STXBP5L: variants seen among roughly 807,000 people sequenced by gnomAD.
The protein encoded by STXBP5L is syntaxin-binding protein 5-like.
Under a neutral mutation model 144.5 loss-of-function variants are expected in STXBP5L, and 65 were observed. That is an observed-to-expected ratio of 0.45 (90% confidence interval 0.37 to 0.55). STXBP5L has a LOEUF of 0.55. Ranked by LOEUF, STXBP5L falls within the 20% of genes least tolerant of loss-of-function variation. STXBP5L has a pLI of 0.00. For missense variants in STXBP5L, 1,298 were observed against 1,405.5 expected (o/e 0.92, Z 1.22); for synonymous variants, 505 against 469.6 (o/e 1.08, Z -0.97).
chr3:121,400,353 GCATGGAAGCAGC>G (rs968814508), intron 22 of STXBP5L, among the ~76,000 whole-genome samples: 2 of 152,146 alleles, frequency 1.3e-5, no homozygotes, highest in African/African-American at 4.8e-5. Context: ...ACATTTTGGG[GCATGGAAGCAGC>G]CATCCTTATC....
intron 5 of STXBP5L, among the ~76,000 whole-genome samples, chr3:121,077,266 T>G (rs535710917): frequency 1.3e-5 from 2 of 152,148 alleles, no homozygotes; most frequent in South Asian, 4.1e-4. Flanking sequence ...TACGGGGCAA[T>G]CAAAGACTGG....
intron 20 of STXBP5L, among the ~76,000 whole-genome samples, chr3:121,329,072 C>T (rs2044242533): frequency 6.6e-6 from 1 of 151,524 alleles, no homozygotes; most frequent in Non-Finnish European, 1.5e-5. Context: ...ATATAATGTA[C>T]ATTTGTATCT....
chr3:121,257,309 C>T lies in STXBP5L; in HGVS notation c.1808C>T (p.Thr603Ile). The T allele has an allele frequency of 6.2e-7, 1 of 1,612,948 alleles. No individual in the cohort carries two copies. Among genetic ancestry groups the T allele is most frequent in the African/African-American group, 1.3e-5 (1 of 74,980 alleles). The change falls in exon 17 of 27, where the codon ACA (threonine) becomes ATA (isoleucine). Residue 603 changes from threonine (T) to isoleucine (I), a missense_variant. Coordinates refer to ENST00000471454, the MANE Select transcript of STXBP5L (RefSeq NM_001308330.2). ...STNTVASEGV[T>I]KDSIPCLNVK... Reference sequence around the variant, plus strand: ...AACACTGTTGCTAGTGAAGGAGTAACAAAGGACAGTATTCCATGCCTCAAG... The same window carrying T: ...AACACTGTTGCTAGTGAAGGAGTAATAAAGGACAGTATTCCATGCCTCAAG...
chr3:121,094,199 G>A lies in STXBP5L; in HGVS notation c.471-20726G>A, dbSNP rs1210660857. 2.6e-5 allele frequency among the ~76,000 whole-genome samples: 4 copies of A among 152,114 alleles called. No individual in the cohort carries two copies. In the East Asian group the frequency reaches 7.7e-4, roughly 29 times the overall value. ...GGAGAGCTTTACTTCCAACTATGTG[G>A]TCAATTTTGGAATAGGTGTGATGTG... On this transcript the variant is annotated intron_variant, in intron 5 of 26. Transcript: ENST00000471454.
intron 9 of STXBP5L, among the ~76,000 whole-genome samples, chr3:121,193,938 T>C (rs2047812056): frequency 6.6e-6 from 1 of 150,510 alleles, no homozygotes; most frequent in Middle Eastern, 3.4e-3. Context: ...AACTTGGACA[T>C]TGTGCACATG....
At chr3:121,089,114 AAAAAG>A (rs2042646135) in intron 5 of STXBP5L, among the ~76,000 whole-genome samples, 2 of 113,392 alleles carry the variant, frequency 1.8e-5, no homozygotes, top group African/African-American at 3.6e-5. Flanking sequence ...AAAAAAAAAA[AAAAAG>A]AAGCTCCAAG....
chr3:121,391,912 G>C (rs1215720281), intron 22 of STXBP5L, among the ~76,000 whole-genome samples: 1 of 152,218 alleles, frequency 6.6e-6, no homozygotes, highest in Admixed American at 6.5e-5. Context: ...CAAACACCAT[G>C]CTGGGAGAAC....
intron 7 of STXBP5L, among the ~76,000 whole-genome samples, chr3:121,149,669 A>G (rs1027764967): frequency 2.0e-5 from 3 of 152,058 alleles, no homozygotes; most frequent in African/African-American, 7.2e-5. Flanking sequence ...CTATTAGAAA[A>G]GGTAATGAAG....
intron 20 of STXBP5L, among the ~76,000 whole-genome samples, chr3:121,338,746 T>C (rs2044602380): frequency 6.6e-6 from 1 of 151,750 alleles, no homozygotes; most frequent in Non-Finnish European, 1.5e-5. Context: ...ATACAAAAGA[T>C]TATTTAAGAC....
chr3:121,024,669 T>G (rs192072421), intron 3 of STXBP5L, among the ~76,000 whole-genome samples: 115 of 152,278 alleles, frequency 7.6e-4, no homozygotes, highest in East Asian at 1.2e-3. Flanking sequence ...ATGTCATTTG[T>G]TAATTTAATT....
chr3:121,019,976 A>C (rs1016312849), intron 3 of STXBP5L, among the ~76,000 whole-genome samples: 8 of 152,214 alleles, frequency 5.3e-5, no homozygotes, highest in African/African-American at 1.9e-4. Context: ...TTAGCCAATC[A>C]AGGAGGCAAC....
chr3:120,989,416 G>A (rs572097589), intron 3 of STXBP5L, among the ~76,000 whole-genome samples: 19 of 152,064 alleles, frequency 1.2e-4, no homozygotes, highest in African/African-American at 3.1e-4. Context: ...ATGTTTATTC[G>A]CAATTTATAT....
At chr3:120,978,169 C>T (rs1200071885) in intron 3 of STXBP5L, among the ~76,000 whole-genome samples, 1 of 152,218 alleles carries the variant, frequency 6.6e-6, no homozygotes, top group African/African-American at 2.4e-5. Flanking sequence ...CTCCCTGTCA[C>T]TTTCAGATAC....
At chr3:120,983,849 A>G (rs1342998120) in intron 3 of STXBP5L, among the ~76,000 whole-genome samples, 1 of 152,088 alleles carries the variant, frequency 6.6e-6, no homozygotes, top group Non-Finnish European at 1.5e-5. Context: ...CTCTTAGACA[A>G]TCCATTCAAA....
intron 2 of STXBP5L, among the ~76,000 whole-genome samples, chr3:120,948,562 C>T (rs1482403900): frequency 6.6e-6 from 1 of 151,800 alleles, no homozygotes; most frequent in Non-Finnish European, 1.5e-5. Context: ...CAACTCCCAC[C>T]CTTCCTCCTG....
chr3:120,909,517 A>T, intron 1 of STXBP5L, 54 bp from the exon 2 acceptor site: 1 of 1,492,828 alleles, frequency 6.7e-7, no homozygotes, highest in Non-Finnish European at 9.1e-7. Flanking sequence ...CCAAGGTCTA[A>T]TTGCACGTGT....
chr3:121,311,634 AG>A (rs1257751309), intron 19 of STXBP5L, among the ~76,000 whole-genome samples: 3 of 152,218 alleles, frequency 2.0e-5, no homozygotes, highest in Non-Finnish European at 4.4e-5. Flanking sequence ...CCAACTTACA[AG>A]GGACGTGAAG....
At chr3:121,179,420 AT>A (rs1402767475) in intron 9 of STXBP5L, among the ~76,000 whole-genome samples, 3 of 152,326 alleles carry the variant, frequency 2.0e-5, no homozygotes, top group African/African-American at 7.2e-5. Context: ...TAAGCAAAAA[AT>A]ACCGTACATA....
intron 1 of STXBP5L, among the ~76,000 whole-genome samples, chr3:120,908,731 C>G (rs891084644): frequency 6.6e-6 from 1 of 151,306 alleles, no homozygotes; most frequent in African/African-American, 2.4e-5. Context: ...GAGCGGCTGC[C>G]GTGCAGCGGG....
Sources: allele counts gnomAD v4.1 joint callset (sites outside exome capture counted in the v4.1 genomes callset), GRCh38; gene constraint gnomAD v4.1.1; transcripts MANE v1.5; gene names NCBI Gene and HGNC (gene_info 2026-07-23, HGNC 2026-07-21).